DMD: variants seen among roughly 807,000 people sequenced by gnomAD.
The protein encoded by DMD is mutant dystrophin.
A neutral mutation model predicts 330.1 loss-of-function variants in DMD; 63 were observed. The ratio of observed to expected loss-of-function variants is 0.19; its 90% CI spans 0.16 to 0.24. The LOEUF is 0.24. Ranked by LOEUF, DMD falls within the 10% of genes least tolerant of loss-of-function variation. The probability of loss-of-function intolerance (pLI) is 1.00; values close to 1 mark genes in which losing one functional copy is unlikely to be tolerated. For synonymous variants in DMD, 1,223 were observed against 959.8 expected (o/e 1.27, Z -5.07); for missense variants, 3,344 against 2,684.1 (o/e 1.25, Z -5.43).
At chrX:32,919,664 A>T (rs1431715872) in intron 2 of DMD, among the ~76,000 whole-genome samples, 3 of 111,992 alleles carry the variant, frequency 2.7e-5, no homozygotes, top group East Asian at 2.8e-4. Context: ...CTACATTCCA[A>T]TTCCTATTTC....
chrX:31,558,700 C>T (rs1444986706), intron 55 of DMD, among the ~76,000 whole-genome samples: 1 of 110,462 alleles, frequency 9.1e-6, no homozygotes, highest in Non-Finnish European at 1.9e-5. Flanking sequence ...ATATAATTGG[C>T]ATTATTATTA....
chrX:31,659,965 T>C (rs1015432809), intron 53 of DMD, among the ~76,000 whole-genome samples: 3 of 112,104 alleles, frequency 2.7e-5, no homozygotes, highest in African/African-American at 9.7e-5. Context: ...AATCAAACAG[T>C]GTTCTTAGCA....
Position 32,646,282 on chromosome X carries a change from T to A in DMD, c.961-1130A>T, listed in dbSNP as rs2059777762. On this transcript the variant is annotated intron_variant, in intron 9 of 78. Coordinates refer to ENST00000357033, the MANE Select transcript of DMD (RefSeq NM_004006.3). ...AAGGGCAAAAATTTGAGTAAACTAC[T>A]AAGTTTGCAGGAGGTTTTGCTTTGG... Among the ~76,000 whole-genome samples, 3 of 111,482 alleles carry A rather than the reference T, an allele frequency of 2.7e-5. No individual in the cohort carries two copies. The South Asian group carries it at 1.1e-3, about 42-fold the overall frequency.
intron 59 of DMD, among the ~76,000 whole-genome samples, chrX:31,451,390 C>T (rs2065737488): frequency 9.5e-6 from 1 of 104,885 alleles, no homozygotes; most frequent in Non-Finnish European, 1.9e-5. Context: ...TCAAGTGATT[C>T]TCCTGCCTCA....
chrX:32,415,679 G>A (rs1169184248), intron 29 of DMD, among the ~76,000 whole-genome samples: 1 of 112,056 alleles, frequency 8.9e-6, no homozygotes, highest in African/African-American at 3.2e-5. Context: ...CCACTTAGCA[G>A]TAAGAGGAAT....
At chrX:31,355,457 T>G (rs1470588482) in intron 60 of DMD, among the ~76,000 whole-genome samples, 1 of 112,307 alleles carries the variant, frequency 8.9e-6, no homozygotes, top group Non-Finnish European at 1.9e-5. Context: ...AGACCCTAGA[T>G]AAATATCCAT....
At chrX:33,231,035 G>A (rs1037520875) in intron 1 of DMD, among the ~76,000 whole-genome samples, 3 of 111,374 alleles carry the variant, frequency 2.7e-5, no homozygotes, top group Non-Finnish European at 3.8e-5. Context: ...GTATAATAGG[G>A]CCTTTCAGTA....
In DMD at chrX:32,852,323, C is replaced by T. The variant is rs182675820; in HGVS notation, c.94-2503G>A. Reference sequence around the variant, plus strand: ...AACTTGCTACCTTGAAGAGAAGAATCCAGTCCTGGTAGAATTCGTCACCTG... The same window carrying T: ...AACTTGCTACCTTGAAGAGAAGAATTCAGTCCTGGTAGAATTCGTCACCTG... On this transcript the variant is annotated intron_variant, in intron 2 of 78. Transcript: ENST00000357033. Among the ~76,000 whole-genome samples the T allele has an allele frequency of 1.3e-4, 15 of 111,276 alleles. No homozygotes were observed. In the East Asian group the frequency reaches 4.3e-3, roughly 32 times the overall value.
chrX:31,743,814 C>T (rs1209046689), intron 51 of DMD, among the ~76,000 whole-genome samples: 1 of 111,272 alleles, frequency 9.0e-6, no homozygotes, highest in Admixed American at 9.6e-5. Flanking sequence ...AATAAACCTA[C>T]ACATGTACTC....
intron 55 of DMD, among the ~76,000 whole-genome samples, chrX:31,580,334 C>T (rs982678583): frequency 8.9e-6 from 1 of 111,859 alleles, no homozygotes; most frequent in Non-Finnish European, 1.9e-5. Flanking sequence ...TTCCACTCTT[C>T]ACCTCAGCCT....
chrX:32,853,425 T>C (rs2081290727), intron 2 of DMD, among the ~76,000 whole-genome samples: 2 of 111,744 alleles, frequency 1.8e-5, no homozygotes, highest in Admixed American at 1.9e-4. Flanking sequence ...TATAATGAGA[T>C]ATAAACAAAC....
At chrX:31,169,140 T>A (rs928758167) in intron 74 of DMD, among the ~76,000 whole-genome samples, 2 of 111,577 alleles carry the variant, frequency 1.8e-5, no homozygotes, top group Non-Finnish European at 3.8e-5. Context: ...ACTTTTTTCT[T>A]AAATTCTATT....
intron 9 of DMD, among the ~76,000 whole-genome samples, chrX:32,650,449 T>C (rs1178999447): frequency 2.7e-5 from 3 of 111,785 alleles, no homozygotes; most frequent in Admixed American, 9.5e-5. Context: ...TAAAAGATTA[T>C]TTCCAAGATA....
chrX:31,309,170 T>C (rs2055280431), intron 62 of DMD, among the ~76,000 whole-genome samples: 1 of 112,111 alleles, frequency 8.9e-6, no homozygotes, highest in African/African-American at 3.2e-5. Context: ...CTAGGGATGA[T>C]GCAAAGATGC....
chrX:32,874,956 C>G, intron 2 of DMD, among the ~76,000 whole-genome samples: 1 of 111,893 alleles, frequency 8.9e-6, no homozygotes, highest in Middle Eastern at 4.6e-3. Flanking sequence ...CATCCACTAG[C>G]TGAATTCTGC....
chrX:31,182,630 G>T, intron 68 of DMD, 108 bp downstream of exon 68: 1 of 760,576 alleles, frequency 1.3e-6, no homozygotes, highest in Non-Finnish European at 2.0e-6. Context: ...CTCCCACTTT[G>T]GAGACGGTAC....
intron 55 of DMD, among the ~76,000 whole-genome samples, chrX:31,617,992 A>G (rs1348595288): frequency 1.8e-5 from 2 of 111,535 alleles, no homozygotes; most frequent in African/African-American, 6.5e-5. Flanking sequence ...CAAATACCAT[A>G]TATTCTCACT....
chrX:32,615,980 T>G lies in DMD; in HGVS notation c.1332-1527A>C, dbSNP rs754476357. On this transcript the variant is annotated intron_variant, in intron 11 of 78. Transcript: ENST00000357033. The stretch of plus-strand genomic sequence containing the variant: ...CCTGTTTCCTTAATCTGCTTTTGGC[T>G]ATGACAGTTTCTCAGAATTTTTCTG... Among the ~76,000 whole-genome samples, 4 of 111,401 alleles carry G rather than the reference T, an allele frequency of 3.6e-5. No homozygotes were observed. The East Asian group carries it at 1.1e-3, about 31-fold the overall frequency.
chrX:32,239,752 A>G (rs904733402), intron 43 of DMD, among the ~76,000 whole-genome samples: 1 of 111,786 alleles, frequency 8.9e-6, no homozygotes, highest in Non-Finnish European at 1.9e-5. Flanking sequence ...ACAAAATTAC[A>G]CTGGTAACCC....
Sources: allele counts gnomAD v4.1 joint callset (sites outside exome capture counted in the v4.1 genomes callset), GRCh38; gene constraint gnomAD v4.1.1; transcripts MANE v1.5; gene names NCBI Gene and HGNC (gene_info 2026-07-23, HGNC 2026-07-21).